Variants in KRABD5 observed in about 807,000 individuals in gnomAD.
KRABD5 encodes KRAB domain containing 5, also known as KRAB domain-containing protein 5.
chr16:31,713,578 TGGCGGCCGGGCC>T, the KRABD5 span: 5 of 1,267,140 alleles, frequency 3.9e-6, no homozygotes, highest in Non-Finnish European at 5.3e-6. Context: ...CGCCGCAAGA[TGGCGGCCGGGCC>T]GGCAGCCGGG....
the KRABD5 span, among the ~76,000 whole-genome samples, chr16:31,746,248 G>A: frequency 3.3e-5 from 5 of 152,064 alleles, no homozygotes; most frequent in African/African-American, 1.2e-4. Context: ...TCCAGTGGCT[G>A]GTACCAGTTT....
chr16:31,714,379 C>G, the KRABD5 span: 1 of 456,282 alleles, frequency 2.2e-6, no homozygotes, highest in South Asian at 1.5e-5. Flanking sequence ...CACTGAACAT[C>G]TGACTGGCTG....
the KRABD5 span, among the ~76,000 whole-genome samples, chr16:31,718,747 C>T: frequency 1.3e-5 from 2 of 152,268 alleles, no homozygotes; most frequent in East Asian, 3.9e-4. Flanking sequence ...TATCCTGGCC[C>T]CACAGAGTCA....
At chr16:31,714,039 G>A in the KRABD5 span, among the ~76,000 whole-genome samples, 1 of 152,170 alleles carries the variant, frequency 6.6e-6, no homozygotes. Context: ...AGATTAATTG[G>A]TCAATTACAA....
the KRABD5 span, among the ~76,000 whole-genome samples, chr16:31,724,751 A>C: frequency 6.6e-6 from 1 of 151,902 alleles, no homozygotes; most frequent in Non-Finnish European, 1.5e-5. Flanking sequence ...AGTATATATG[A>C]GTATTGTAAA....
the KRABD5 span, among the ~76,000 whole-genome samples, chr16:31,726,160 G>A: frequency 6.6e-6 from 1 of 152,106 alleles, no homozygotes; most frequent in Non-Finnish European, 1.5e-5. Flanking sequence ...TTTTGTATAT[G>A]GTATAAATGT....
chr16:31,719,571 G>T, the KRABD5 span, among the ~76,000 whole-genome samples: 92,436 of 151,978 alleles, frequency 0.61, 29,131 homozygotes, highest in Middle Eastern at 0.73. Context: ...CGTGTCCCTA[G>T]CCTTGCTCTG....
the KRABD5 span, chr16:31,755,773 A>G: frequency 2.6e-5 from 9 of 352,236 alleles, no homozygotes; most frequent in Non-Finnish European, 5.0e-5. Context: ...AAAAATCACC[A>G]TAGAGTTTAT....
the KRABD5 span, chr16:31,755,264 G>A: frequency 4.0e-6 from 2 of 494,752 alleles, no homozygotes; most frequent in East Asian, 1.2e-4. Flanking sequence ...AAGTCTTATT[G>A]TCCACCAGAG....
chr16:31,740,242 C>G, the KRABD5 span, among the ~76,000 whole-genome samples: 1 of 152,258 alleles, frequency 6.6e-6, no homozygotes, highest in East Asian at 1.9e-4. Flanking sequence ...TGATAGTACC[C>G]CATTAGTCCC....
chr16:31,738,024 T>A, the KRABD5 span, among the ~76,000 whole-genome samples: 4 of 152,278 alleles, frequency 2.6e-5, no homozygotes, highest in East Asian at 7.7e-4. Flanking sequence ...TTTCTGTTTT[T>A]AATTTCTAGT....
At chr16:31,738,765 C>G in the KRABD5 span, among the ~76,000 whole-genome samples, 1 of 152,086 alleles carries the variant, frequency 6.6e-6, no homozygotes, top group Admixed American at 6.6e-5. Flanking sequence ...TCTTCTCTTG[C>G]TATCTTCCTT....
At chr16:31,723,307 A>G in the KRABD5 span, 3 of 1,614,072 alleles carry the variant, frequency 1.9e-6, no homozygotes, top group Middle Eastern at 3.3e-4. Context: ...AGCAAAGGAA[A>G]GAGCCCTGGA....
At chr16:31,722,496 CTTA>C in the KRABD5 span, 35 of 982,946 alleles carry the variant, frequency 3.6e-5, no homozygotes, top group Non-Finnish European at 5.2e-5. Flanking sequence ...TTAAAAGTAT[CTTA>C]TTGAATATTT....
At chr16:31,738,337 A>G in the KRABD5 span, among the ~76,000 whole-genome samples, 1 of 152,108 alleles carries the variant, frequency 6.6e-6, no homozygotes, top group Non-Finnish European at 1.5e-5. Context: ...TATTGCTTCA[A>G]TTCTGTAAAA....
At chr16:31,723,289 C>G in the KRABD5 span, 1 of 1,613,982 alleles carries the variant, frequency 6.2e-7, no homozygotes, top group Non-Finnish European at 8.5e-7. Context: ...ACCTGATCAC[C>G]TTTTTGGAGC....
the KRABD5 span, among the ~76,000 whole-genome samples, chr16:31,753,570 G>A: frequency 1.3e-5 from 2 of 152,050 alleles, no homozygotes; most frequent in Non-Finnish European, 2.9e-5. Flanking sequence ...GTTCACCTAG[G>A]TGCTGCAAAC....
the KRABD5 span, among the ~76,000 whole-genome samples, chr16:31,714,168 CAG>C: frequency 2.0e-5 from 3 of 152,178 alleles, no homozygotes; most frequent in African/African-American, 4.8e-5. Flanking sequence ...TGTTATGAGA[CAG>C]GACTTGGCAC....
chr16:31,730,200 A>G, the KRABD5 span, among the ~76,000 whole-genome samples: 6 of 148,456 alleles, frequency 4.0e-5, no homozygotes, highest in African/African-American at 1.5e-4. Context: ...GCATTTCTAG[A>G]CAGGTCTAGT....
Sources: gnomAD v4.1 joint callset for allele counts (sites outside exome capture counted in the v4.1 genomes callset) on GRCh38, gnomAD v4.1.1 for gene constraint, MANE v1.5 for transcripts, NCBI Gene and HGNC (gene_info 2026-07-23, HGNC 2026-07-21) for gene names.